Variants in HOPX observed in about 807,000 individuals in gnomAD.
HOPX encodes homeodomain-only protein.
A neutral mutation model predicts 11.8 loss-of-function variants in HOPX; 5 were observed. That is an observed-to-expected ratio of 0.43 (90% CI 0.22 to 0.89). The LOEUF (loss-of-function observed/expected upper bound fraction) is 0.89, where lower values mean the gene tolerates loss of function less well. HOPX is among the 40% of genes least tolerant of loss of function. HOPX has a pLI of 0.28. For synonymous variants in HOPX, 49 were observed against 49.7 expected, an observed-to-expected ratio of 0.99 and a Z score of 0.06; for missense variants, 119 against 120.0, an observed-to-expected ratio of 0.99 and a Z score of 0.04.
In HOPX at chr4:56,681,219, C is replaced by T. The variant is rs375281611; in HGVS notation, c.-84+36G>A. 64 of 983,478 alleles carry T rather than the reference C, an allele frequency of 6.5e-5. No individual in the cohort carries two copies. In the African/African-American group the frequency reaches 1.0e-3, roughly 16 times the overall value. The allele number at this position is 983,478 out of a possible 1,614,324, so 60.9% of individuals were successfully genotyped here. On this transcript the variant is annotated intron_variant, in intron 1 of 3. Coordinates refer to ENST00000420433, the MANE Select transcript of HOPX (RefSeq NM_032495.6). ...GTCTAGTTCCTGCACAAACTCATTC[C>T]TCTGCATAAAAGGCAGACCTTTGAA...
intron 3 of HOPX, among the ~76,000 whole-genome samples, chr4:56,652,987 T>C (rs1332970728): frequency 2.0e-5 from 3 of 152,194 alleles, no homozygotes; most frequent in African/African-American, 7.2e-5. Flanking sequence ...AGTTCATCAT[T>C]GGGCATATGT....
intron 1 of HOPX, chr4:56,676,487 G>A (rs1053066897): frequency 2.6e-5 from 4 of 151,464 alleles, no homozygotes; most frequent in African/African-American, 4.9e-5. Flanking sequence ...AAATTCTATC[G>A]GTCATACAAA....
intron 1 of HOPX, among the ~76,000 whole-genome samples, chr4:56,661,966 G>A (rs1207544857): frequency 6.6e-6 from 1 of 152,156 alleles, no homozygotes; most frequent in Non-Finnish European, 1.5e-5. Flanking sequence ...TGGGAGTCAG[G>A]ATTTGATTTT....
chr4:56,674,902 T>C (rs1475821891), intron 1 of HOPX, among the ~76,000 whole-genome samples: 2 of 125,318 alleles, frequency 1.6e-5, no homozygotes, highest in Non-Finnish European at 3.2e-5. Context: ...TGTGTGCCAC[T>C]ATGTCTGGCT....
chr4:56,677,725 A>G (rs1248492274), intron 1 of HOPX, among the ~76,000 whole-genome samples: 1 of 151,528 alleles, frequency 6.6e-6, no homozygotes, highest in Non-Finnish European at 1.5e-5. Flanking sequence ...AGGGAGAGCT[A>G]AGGAGCCACA....
intron 3 of HOPX, chr4:56,651,028 C>T: frequency 2.3e-6 from 1 of 438,050 alleles, no homozygotes; most frequent in Non-Finnish European, 4.0e-6. Flanking sequence ...CCAGTTACTA[C>T]AGCTGAAGAA....
upstream of HOPX, chr4:56,681,696 AG>A: frequency 3.0e-6 from 3 of 998,514 alleles, no homozygotes; most frequent in Non-Finnish European, 3.6e-6. Context: ...TTCAAAGCGT[AG>A]ATCTGGTGCG....
intron 3 of HOPX, among the ~76,000 whole-genome samples, chr4:56,652,560 C>T (rs1367204352): frequency 6.6e-6 from 1 of 151,910 alleles, no homozygotes. Context: ...GTAATCCCAG[C>T]ACTTTGGGAG....
intron 1 of HOPX, among the ~76,000 whole-genome samples, chr4:56,678,232 C>G (rs60590794): frequency 6.6e-6 from 1 of 151,410 alleles, no homozygotes; most frequent in Middle Eastern, 3.4e-3. Context: ...ATCCTACTCT[C>G]GGACTTGGTG....
At chr4:56,652,212 A>G (rs138122077) in intron 3 of HOPX, among the ~76,000 whole-genome samples, 235 of 152,274 alleles carry the variant, frequency 1.5e-3, no homozygotes, top group African/African-American at 5.5e-3. Flanking sequence ...AAGTGGGACA[A>G]TTATAAAGAG....
chr4:56,653,197 C>G (rs1307704061), intron 3 of HOPX, among the ~76,000 whole-genome samples: 4 of 151,974 alleles, frequency 2.6e-5, no homozygotes, highest in African/African-American at 9.7e-5. Flanking sequence ...ACCAGCACAC[C>G]TGTTTGATTT....
chr4:56,650,331 G>A (rs954260100), intron 3 of HOPX: 1 of 187,232 alleles, frequency 5.3e-6, no homozygotes, highest in Non-Finnish European at 1.1e-5. Context: ...GATCTGGGAT[G>A]TGCTGATGGA....
intron 1 of HOPX, among the ~76,000 whole-genome samples, chr4:56,661,190 T>C (rs1217938172): frequency 6.6e-6 from 1 of 152,240 alleles, no homozygotes; most frequent in Non-Finnish European, 1.5e-5. Flanking sequence ...CTTGAGTTGT[T>C]TAAAAATGAT....
rs112331811 is a variant in HOPX at position 56,656,287 on chromosome 4, A to G, written c.43-275T>C. The G allele has an allele frequency of 7.0e-6, 8 of 1,147,524 alleles. No homozygotes were observed. In the African/African-American group the frequency reaches 9.7e-5, roughly 14 times the overall value. 71.1% of individuals were successfully genotyped at this position (1,147,524 alleles called of 1,614,324 possible). A position where few individuals can be genotyped will look rare whatever the true frequency, so the allele number is the denominator to read the frequency against. Reference sequence around the variant, plus strand: ...GCGCCCCCCGGGACCCCTTGCAGGAACTGTATCCCTGCCTGCGACGGGGGC... The same window carrying G: ...GCGCCCCCCGGGACCCCTTGCAGGAGCTGTATCCCTGCCTGCGACGGGGGC... On this transcript the variant is annotated intron_variant, in intron 2 of 3. Coordinates refer to ENST00000420433, the MANE Select transcript of HOPX (RefSeq NM_032495.6).
chr4:56,652,582 A>G (rs1717313831), intron 3 of HOPX, among the ~76,000 whole-genome samples: 1 of 151,910 alleles, frequency 6.6e-6, no homozygotes, highest in Non-Finnish European at 1.5e-5. Context: ...CCAAGGCAAG[A>G]GGATTGCTTG....
chr4:56,653,602 T>C (rs1222098271), intron 3 of HOPX, among the ~76,000 whole-genome samples: 1 of 152,100 alleles, frequency 6.6e-6, no homozygotes, highest in Non-Finnish European at 1.5e-5. Context: ...TTCCAGATGC[T>C]TCCCTGCAGG....
chr4:56,668,579 G>A (rs1161900453), intron 1 of HOPX, among the ~76,000 whole-genome samples: 1 of 152,256 alleles, frequency 6.6e-6, no homozygotes, highest in East Asian at 1.9e-4. Flanking sequence ...ATGGGGCCTT[G>A]CCGTGTTGCC....
intron 3 of HOPX, among the ~76,000 whole-genome samples, chr4:56,653,160 T>A (rs759971213): frequency 1.3e-5 from 2 of 152,142 alleles, no homozygotes; most frequent in Non-Finnish European, 2.9e-5. Context: ...GCCTTAGCCT[T>A]CAGAGTAGCT....
At chr4:56,663,008 C>G (rs1358473630) in intron 1 of HOPX, 1 of 152,150 alleles carries the variant, frequency 6.6e-6, no homozygotes, top group Admixed American at 6.5e-5. Context: ...TTCCATGCAT[C>G]TCTTTAAAAA....
Sources: gnomAD v4.1 joint callset for allele counts (sites outside exome capture counted in the v4.1 genomes callset) on GRCh38, gnomAD v4.1.1 for gene constraint, MANE v1.5 for transcripts, NCBI Gene and HGNC (gene_info 2026-07-23, HGNC 2026-07-21) for gene names.